ANKS1B: variants seen among roughly 807,000 people sequenced by gnomAD.
The protein encoded by ANKS1B is ankyrin repeat and sterile alpha motif domain containing 1B, also known as ankyrin repeat and sterile alpha motif domain-containing protein 1B.
Under a neutral mutation model 148.3 loss-of-function variants are expected in ANKS1B, and 36 were observed. That is an observed-to-expected ratio of 0.24 (90% confidence interval 0.19 to 0.32). The LOEUF (loss-of-function observed/expected upper bound fraction) is 0.32, where lower values mean the gene tolerates loss of function less well. ANKS1B is among the 10% of genes least tolerant of loss of function. The probability of loss-of-function intolerance (pLI) is 1.00; values close to 1 mark genes in which losing one functional copy is unlikely to be tolerated. For missense variants in ANKS1B, 1,157 were observed against 1,542.6 expected (o/e 0.75, Z 4.19); for synonymous variants, 542 against 560.8 (o/e 0.97, Z 0.47).
chr12:99,386,657 T>G (rs1044455939), intron 12 of ANKS1B, among the ~76,000 whole-genome samples: 34 of 152,194 alleles, frequency 2.2e-4, no homozygotes, highest in African/African-American at 8.2e-4. Flanking sequence ...AGAGTGAAAT[T>G]AATGATTTTG....
At chr12:99,707,357 T>C (rs1214798875) in intron 8 of ANKS1B, among the ~76,000 whole-genome samples, 2 of 152,024 alleles carry the variant, frequency 1.3e-5, no homozygotes, top group Admixed American at 6.6e-5. Flanking sequence ...TATTAAAGAA[T>C]TTAAACAAAT....
intron 9 of ANKS1B, among the ~76,000 whole-genome samples, chr12:99,559,193 G>C (rs2097307491): frequency 6.6e-6 from 1 of 152,062 alleles, no homozygotes; most frequent in South Asian, 2.1e-4. Context: ...GTTTCTCAGT[G>C]AAAGATGTTC....
chr12:99,584,737 A>G lies in ANKS1B; in HGVS notation c.1272+70330T>C, dbSNP rs535577377. ...TCATGGCAGAAGGTGAATGAGGAGC[A>G]AAGTCACATCTTATGTGGCAGCAGG... On this transcript the variant is annotated intron_variant, in intron 9 of 26. Coordinates refer to ENST00000683438, the MANE Select transcript of ANKS1B (RefSeq NM_001352186.2). 2.6e-5 allele frequency among the ~76,000 whole-genome samples: 4 copies of G among 152,318 alleles called. No individual in the cohort carries two copies. The East Asian group carries it at 7.7e-4, about 29-fold the overall frequency.
intron 8 of ANKS1B, among the ~76,000 whole-genome samples, chr12:99,670,899 T>A (rs917941951): frequency 1.3e-5 from 2 of 152,156 alleles, no homozygotes; most frequent in Non-Finnish European, 2.9e-5. Context: ...GGGGAGATGG[T>A]ACATGAAAAA....
chr12:99,678,997 A>G (rs1329587687), intron 8 of ANKS1B, among the ~76,000 whole-genome samples: 2 of 152,216 alleles, frequency 1.3e-5, no homozygotes, highest in African/African-American at 4.8e-5. Context: ...GTCTAGAACT[A>G]AAAGAAAGAA....
chr12:99,881,234 G>A (rs2092460729), intron 1 of ANKS1B, among the ~76,000 whole-genome samples: 1 of 152,180 alleles, frequency 6.6e-6, no homozygotes, highest in Non-Finnish European at 1.5e-5. Flanking sequence ...CACTCAGAGA[G>A]AGTGGGGGAA....
At chr12:99,244,485 C>G in intron 13 of ANKS1B, 71 bp from the exon 14 acceptor site, 1 of 1,037,914 alleles carries the variant, frequency 9.6e-7, no homozygotes, top group Non-Finnish European at 1.4e-6. Context: ...AAATAAGTTT[C>G]AAATGAAGGG....
chr12:99,279,429 C>T (rs1232404664), intron 12 of ANKS1B, among the ~76,000 whole-genome samples: 1 of 151,916 alleles, frequency 6.6e-6, no homozygotes, highest in Non-Finnish European at 1.5e-5. Context: ...TTCCATCATC[C>T]AAAAAAGAAA....
At chr12:99,572,842 A>T (rs1188247182) in intron 9 of ANKS1B, among the ~76,000 whole-genome samples, 6 of 152,122 alleles carry the variant, frequency 3.9e-5, no homozygotes, top group South Asian at 2.1e-4. Context: ...TATACAAATA[A>T]ATCTGTTTCA....
chr12:98,893,212 G>C (rs2099756347), intron 17 of ANKS1B, among the ~76,000 whole-genome samples: 1 of 152,158 alleles, frequency 6.6e-6, no homozygotes, highest in Non-Finnish European at 1.5e-5. Context: ...AACACACCCA[G>C]CACTACTCAG....
intron 22 of ANKS1B, among the ~76,000 whole-genome samples, chr12:98,791,895 G>C (rs546985164): frequency 6.6e-6 from 1 of 152,294 alleles, no homozygotes; most frequent in Non-Finnish European, 1.5e-5. Flanking sequence ...AGAGGAAAGA[G>C]GCTTTTACAT....
intron 10 of ANKS1B, among the ~76,000 whole-genome samples, chr12:99,482,565 AAAT>A (rs1163197790): frequency 1.3e-5 from 2 of 151,900 alleles, no homozygotes; most frequent in African/African-American, 4.8e-5. Flanking sequence ...ATTCTGTGAA[AAAT>A]AATGTTGGTA....
intron 17 of ANKS1B, among the ~76,000 whole-genome samples, chr12:99,051,383 T>C (rs1418230840): frequency 2.0e-5 from 3 of 152,270 alleles, no homozygotes; most frequent in Non-Finnish European, 2.9e-5. Flanking sequence ...TAAGTATTAA[T>C]TCTTCATTAG....
intron 1 of ANKS1B, among the ~76,000 whole-genome samples, chr12:99,902,248 C>CACTCAAAG (rs1401645347): frequency 3.2e-4 from 49 of 152,212 alleles, no homozygotes; most frequent in African/African-American, 1.1e-3. Flanking sequence ...ATAAGCCAAC[C>CACTCAAAG]ACTCAAAGAG....
intron 1 of ANKS1B, among the ~76,000 whole-genome samples, chr12:99,955,994 G>T (rs1000908950): frequency 7.9e-5 from 12 of 152,108 alleles, no homozygotes; most frequent in African/African-American, 2.9e-4. Flanking sequence ...ATGGGATGAG[G>T]CTGGGTGCCA....
intron 9 of ANKS1B, among the ~76,000 whole-genome samples, chr12:99,556,068 T>G (rs557441960): frequency 6.6e-6 from 1 of 152,306 alleles, no homozygotes; most frequent in East Asian, 1.9e-4. Context: ...GATCCAGGGC[T>G]TTTCCTGGTT....
chr12:99,654,923 T>A, intron 9 of ANKS1B, 144 bp downstream of exon 9: 2 of 864,834 alleles, frequency 2.3e-6, no homozygotes, highest in Admixed American at 6.0e-5. Context: ...ACATTTTACT[T>A]GACACTTTGA....
At chr12:99,152,724 G>A (rs2075269642) in intron 15 of ANKS1B, among the ~76,000 whole-genome samples, 1 of 152,092 alleles carries the variant, frequency 6.6e-6, no homozygotes, top group South Asian at 2.1e-4. Flanking sequence ...TTGGACAAGG[G>A]TTTCAGGGTT....
chr12:99,814,584 G>A (rs1473649099), intron 2 of ANKS1B, among the ~76,000 whole-genome samples: 1 of 151,654 alleles, frequency 6.6e-6, no homozygotes, highest in Admixed American at 6.6e-5. Flanking sequence ...ACTTCAGTGA[G>A]GTAATGAGAA....
Sources: gnomAD v4.1 joint callset for allele counts (sites outside exome capture counted in the v4.1 genomes callset) on GRCh38, gnomAD v4.1.1 for gene constraint, MANE v1.5 for transcripts, NCBI Gene and HGNC (gene_info 2026-07-23, HGNC 2026-07-21) for gene names.